Variants in PLCL1 observed in about 807,000 individuals in gnomAD.
PLCL1 encodes the protein phospholipase C like 1 (inactive), also known as inactive phospholipase C-like protein 1.
PLCL1 carries 41 observed loss-of-function variants against 84.4 expected under a neutral mutation model. The ratio of observed to expected loss-of-function variants is 0.49; its 90% confidence interval spans 0.38 to 0.63. The LOEUF is 0.63. PLCL1 is among the 30% of genes least tolerant of loss of function. PLCL1 has a pLI of 0.00. For synonymous variants in PLCL1, 490 were observed against 488.3 expected, an observed-to-expected ratio of 1.00 and a Z score of -0.05; for missense variants, 1,206 against 1,367.8, an observed-to-expected ratio of 0.88 and a Z score of 1.87.
chr2:198,080,720 C>T (rs1407452873), intron 1 of PLCL1, among the ~76,000 whole-genome samples: 1 of 152,220 alleles, frequency 6.6e-6, no homozygotes, highest in African/African-American at 2.4e-5. Flanking sequence ...TATTCGTTCA[C>T]ACATGCTCTG....
chr2:198,020,032 C>T (rs1691095144), intron 1 of PLCL1, among the ~76,000 whole-genome samples: 1 of 152,202 alleles, frequency 6.6e-6, no homozygotes, highest in South Asian at 2.1e-4. Context: ...AAACTAACAG[C>T]ATATCTCTCT....
At chr2:198,103,973 T>C (rs765126281) in intron 5 of PLCL1, 37 bp downstream of exon 5, 32 of 1,030,404 alleles carry the variant, frequency 3.1e-5, no homozygotes, top group East Asian at 5.2e-5. Flanking sequence ...GTGCCTTTAC[T>C]TTTCTTCTCC....
intron 1 of PLCL1, among the ~76,000 whole-genome samples, chr2:197,883,464 C>T (rs1014705795): frequency 2.6e-5 from 4 of 152,206 alleles, no homozygotes; most frequent in South Asian, 2.1e-4. Context: ...CAATAAAGTA[C>T]TAGTTGGATA....
intron 1 of PLCL1, among the ~76,000 whole-genome samples, chr2:197,945,774 CTAGA>C (rs762919469): frequency 1.3e-5 from 2 of 152,060 alleles, no homozygotes; most frequent in Non-Finnish European, 2.9e-5. Flanking sequence ...ATAATAAGTG[CTAGA>C]TAAACAGTAG....
In PLCL1 at chr2:198,050,970, A is replaced by G. The variant is rs577755037; in HGVS notation, c.241-32788A>G. Among the ~76,000 whole-genome samples, 5 of 152,362 alleles carry G rather than the reference A, an allele frequency of 3.3e-5. No homozygotes were observed. The East Asian group carries it at 5.8e-4, about 18-fold the overall frequency. On this transcript the variant is annotated intron_variant, in intron 1 of 5. Transcript: ENST00000428675. Reference sequence around the variant, plus strand: ...TGGTCATATTTCAAAGTGCTATGCCATATAATTATTTGAAGGGAAAACATT... The same window carrying G: ...TGGTCATATTTCAAAGTGCTATGCCGTATAATTATTTGAAGGGAAAACATT...
intron 1 of PLCL1, among the ~76,000 whole-genome samples, chr2:198,005,576 A>G (rs946551699): frequency 1.3e-5 from 2 of 152,228 alleles, no homozygotes; most frequent in African/African-American, 2.4e-5. Context: ...CAAGGATATT[A>G]TAGTCTTGAG....
chr2:197,935,584 G>A (rs2105769328), intron 1 of PLCL1, among the ~76,000 whole-genome samples: 1 of 152,180 alleles, frequency 6.6e-6, no homozygotes, highest in Non-Finnish European at 1.5e-5. Flanking sequence ...GGACACAAAG[G>A]GGAACAACAG....
chr2:198,094,753 G>C (rs1022212916), intron 3 of PLCL1, among the ~76,000 whole-genome samples: 6 of 152,146 alleles, frequency 3.9e-5, no homozygotes, highest in African/African-American at 1.4e-4. Flanking sequence ...AATGACAGAG[G>C]GTTCACCAAG....
intron 1 of PLCL1, among the ~76,000 whole-genome samples, chr2:197,979,319 A>G (rs1048587219): frequency 1.3e-5 from 2 of 152,204 alleles, no homozygotes; most frequent in Non-Finnish European, 2.9e-5. Flanking sequence ...GTGTTTTGGT[A>G]GAAAAACATA....
chr2:197,954,534 T>C (rs930837744), intron 1 of PLCL1, among the ~76,000 whole-genome samples: 2 of 152,068 alleles, frequency 1.3e-5, no homozygotes, highest in Non-Finnish European at 2.9e-5. Flanking sequence ...GCAAGCATCA[T>C]AGTGGGTGTC....
At chr2:198,077,912 T>C (rs1174032690) in intron 1 of PLCL1, among the ~76,000 whole-genome samples, 1 of 152,216 alleles carries the variant, frequency 6.6e-6, no homozygotes, top group Non-Finnish European at 1.5e-5. Flanking sequence ...TTTTACCTCA[T>C]GTTTCTTGAT....
intron 5 of PLCL1, among the ~76,000 whole-genome samples, chr2:198,108,111 A>C (rs1363828724): frequency 1.3e-5 from 2 of 151,884 alleles, no homozygotes; most frequent in South Asian, 2.1e-4. Flanking sequence ...CTTGATTCCC[A>C]ATTAATTCTC....
chr2:197,932,770 G>A (rs1396969658), intron 1 of PLCL1, among the ~76,000 whole-genome samples: 3 of 152,174 alleles, frequency 2.0e-5, no homozygotes, highest in African/African-American at 4.8e-5. Context: ...AGTGAGACAT[G>A]GGCTGTGGCA....
chr2:198,137,930 C>T (rs958171809), intron 5 of PLCL1, among the ~76,000 whole-genome samples: 2 of 152,030 alleles, frequency 1.3e-5, no homozygotes, highest in African/African-American at 4.8e-5. Flanking sequence ...CAGTACTGCC[C>T]CCTAGGCTGT....
rs201734168 is a variant in PLCL1, at chr2:198,126,454, G to A, written c.3106-20326G>A. The stretch of plus-strand genomic sequence containing the variant: ...GAAAATGAGAAAAGATGGAAAGAGT[G>A]AGAGGTCACATGATTTGCTGCCTGG... On this transcript the variant is annotated intron_variant, in intron 5 of 5. Transcript: ENST00000428675. 3.9e-5 allele frequency among the ~76,000 whole-genome samples: 6 copies of A among 152,168 alleles called. No homozygotes were observed. In the East Asian group the frequency reaches 9.6e-4, roughly 24 times the overall value.
chr2:197,885,868 T>G (rs1465299587), intron 1 of PLCL1, among the ~76,000 whole-genome samples: 1 of 152,178 alleles, frequency 6.6e-6, no homozygotes, highest in Non-Finnish European at 1.5e-5. Flanking sequence ...CAGTGGGGAA[T>G]GCATGCATTG....
intron 1 of PLCL1, among the ~76,000 whole-genome samples, chr2:197,890,672 T>C (rs963970312): frequency 1.1e-4 from 9 of 81,970 alleles, no homozygotes; most frequent in Non-Finnish European, 2.0e-4. Flanking sequence ...TTGGCTTTTT[T>C]ATTTTTTTGC....
intron 1 of PLCL1, among the ~76,000 whole-genome samples, chr2:197,982,194 A>G (rs148277912): frequency 0.011 from 1,723 of 150,552 alleles, 22 homozygotes; most frequent in Middle Eastern, 0.028. Flanking sequence ...TTTAATCAAT[A>G]GAATTTATGT....
At position 197,922,975 on chromosome 2, in the gene PLCL1, G is replaced by T. The variant is rs1233559564; in HGVS notation, c.240+117636G>T. On this transcript the variant is annotated intron_variant, in intron 1 of 5. Coordinates refer to ENST00000428675, the MANE Select transcript of PLCL1 (RefSeq NM_006226.4). ...GGGCTGACCCCCCCACCTCCCTCCC[G>T]GACCGGGCGGCTGGCCGGGCAGAGG... 2.9e-5 allele frequency among the ~76,000 whole-genome samples: 3 copies of T among 103,286 alleles called. No individual in the cohort carries two copies. The South Asian group carries it at 1.1e-3, about 39-fold the overall frequency. The allele number at this position is 103,286 out of a possible 152,430, so 67.8% of individuals were successfully genotyped here. A position where few individuals can be genotyped will look rare whatever the true frequency, so the allele number is the denominator to read the frequency against.
Sources: gnomAD v4.1 joint callset for allele counts (sites outside exome capture counted in the v4.1 genomes callset) on GRCh38, gnomAD v4.1.1 for gene constraint, MANE v1.5 for transcripts, NCBI Gene and HGNC (gene_info 2026-07-23, HGNC 2026-07-21) for gene names.